Variants in GRIK2 observed in about 807,000 individuals in gnomAD.
GRIK2 encodes glutamate ionotropic receptor kainate type subunit 2.
In GRIK2, 32 loss-of-function variants were observed where a neutral mutation model predicts 100.3. The observed-to-expected ratio is 0.32, with a 90% confidence interval of 0.24 to 0.43. The LOEUF is 0.43. Ranked by LOEUF, GRIK2 falls within the 20% of genes least tolerant of loss-of-function variation. GRIK2 has a pLI of 1.00. For synonymous variants in GRIK2, 417 were observed against 389.4 expected (o/e 1.07, Z -0.83); for missense variants, 843 against 1,114.9 (o/e 0.76, Z 3.47).
chr6:101,740,715 G>A (rs1775969469), intron 7 of GRIK2, among the ~76,000 whole-genome samples: 1 of 152,178 alleles, frequency 6.6e-6, no homozygotes, highest in East Asian at 1.9e-4. Context: ...CTTCTTGTGA[G>A]GACCTCTGGA....
intron 2 of GRIK2, among the ~76,000 whole-genome samples, chr6:101,539,562 G>A (rs1224292489): frequency 1.3e-5 from 2 of 151,654 alleles, no homozygotes; most frequent in African/African-American, 4.8e-5. Context: ...TGCCTAGGAG[G>A]GATAGTAGTA....
chr6:101,797,417 C>G (rs1780376831), intron 7 of GRIK2, among the ~76,000 whole-genome samples: 1 of 151,480 alleles, frequency 6.6e-6, no homozygotes, highest in Non-Finnish European at 1.5e-5. Context: ...TCAATTAGTT[C>G]TTCACTTTTC....
At chr6:101,961,134 T>A (rs1390267370) in intron 14 of GRIK2, among the ~76,000 whole-genome samples, 1 of 152,156 alleles carries the variant, frequency 6.6e-6, no homozygotes, top group African/African-American at 2.4e-5. Context: ...CATCACACCC[T>A]TCTTCCAGGG....
At chr6:101,638,423 T>C (rs1436956753) in intron 4 of GRIK2, among the ~76,000 whole-genome samples, 1 of 151,728 alleles carries the variant, frequency 6.6e-6, no homozygotes, top group Admixed American at 6.6e-5. Context: ...AGGGAGTACA[T>C]GGGAAGAAAT....
chr6:101,618,718 T>C (rs574457537), intron 2 of GRIK2, among the ~76,000 whole-genome samples: 6 of 151,820 alleles, frequency 4.0e-5, no homozygotes, highest in East Asian at 3.9e-4. Context: ...TTGTTGGTGA[T>C]AAATCCTTTC....
chr6:101,452,564 T>C (rs1770772487), intron 2 of GRIK2, among the ~76,000 whole-genome samples: 1 of 151,798 alleles, frequency 6.6e-6, no homozygotes, highest in Non-Finnish European at 1.5e-5. Context: ...TGCTTGACAC[T>C]ATGACATTTT....
chr6:101,884,235 G>A (rs764663304), intron 11 of GRIK2, among the ~76,000 whole-genome samples: 11 of 152,068 alleles, frequency 7.2e-5, no homozygotes, highest in Non-Finnish European at 1.6e-4. Context: ...ACTAGCTTAA[G>A]TGTCTTAGTT....
At chr6:101,741,602 T>G (rs1174816473) in intron 7 of GRIK2, among the ~76,000 whole-genome samples, 2 of 152,178 alleles carry the variant, frequency 1.3e-5, no homozygotes, top group African/African-American at 4.8e-5. Context: ...TTTATTGGGC[T>G]TTTTGATGCT....
chr6:101,928,640 CT>C lies in GRIK2; in HGVS notation c.2085+9del. 7.3e-7 allele frequency: 1 copy of C among 1,367,804 alleles called. No individual in the cohort carries two copies. Among genetic ancestry groups the C allele is most frequent in the Non-Finnish European group, 1.0e-6 (1 of 956,486 alleles). The allele number at this position is 1,367,804 out of a possible 1,614,324, so 84.7% of individuals were successfully genotyped here. A position where few individuals can be genotyped will look rare whatever the true frequency, so the allele number is the denominator to read the frequency against. On this transcript the variant is annotated intron_variant, in intron 14 of 16. Transcript: ENST00000369134. ...ACCATGACTTTTTTCAAGGTAAGTT[CT>C]GCTGGTTACCTAAAATTTACAAATT...
At chr6:101,425,125 T>C (rs996631612) in intron 2 of GRIK2, among the ~76,000 whole-genome samples, 1 of 152,196 alleles carries the variant, frequency 6.6e-6, no homozygotes, top group African/African-American at 2.4e-5. Flanking sequence ...GCAGTAAACA[T>C]ACATGTGCAT....
intron 2 of GRIK2, among the ~76,000 whole-genome samples, chr6:101,618,785 T>C (rs922168035): frequency 6.6e-6 from 1 of 151,540 alleles, no homozygotes; most frequent in African/African-American, 2.4e-5. Flanking sequence ...CATTTGTATC[T>C]CTTCTCTATA....
intron 2 of GRIK2, among the ~76,000 whole-genome samples, chr6:101,420,397 T>C: frequency 6.6e-6 from 1 of 152,204 alleles, no homozygotes; most frequent in East Asian, 1.9e-4. Context: ...ACATATGAGG[T>C]TGAACCATAT....
intron 2 of GRIK2, among the ~76,000 whole-genome samples, chr6:101,595,427 T>C (rs1778871256): frequency 6.6e-6 from 1 of 151,696 alleles, no homozygotes; most frequent in Non-Finnish European, 1.5e-5. Flanking sequence ...AATACATCTT[T>C]ATTTATAAAA....
At chr6:101,833,254 C>G (rs1007264541) in intron 10 of GRIK2, among the ~76,000 whole-genome samples, 3 of 151,970 alleles carry the variant, frequency 2.0e-5, no homozygotes, top group Admixed American at 6.6e-5. Flanking sequence ...TGTTTTGAGA[C>G]GGAGTCTTGC....
Position 101,794,329 on chromosome 6 carries a change from G to A in GRIK2, c.952-5319G>A, listed in dbSNP as rs887679090. On this transcript the variant is annotated intron_variant, in intron 7 of 16. Transcript: ENST00000369134. ...CTCACGCTGGGAGCTGTAGACCGGA[G>A]CTGTTCCTATTCGGTCATCTTGGCT... Among the ~76,000 whole-genome samples, 6 of 152,076 alleles carry A rather than the reference G, an allele frequency of 3.9e-5. No individual in the cohort carries two copies. In the East Asian group the frequency reaches 1.2e-3, roughly 30 times the overall value.
intron 4 of GRIK2, among the ~76,000 whole-genome samples, chr6:101,651,702 A>G (rs1243772226): frequency 6.6e-6 from 1 of 152,164 alleles, no homozygotes; most frequent in Non-Finnish European, 1.5e-5. Context: ...TGGAGTTGCC[A>G]TCAGCTGACT....
chr6:101,859,393 G>A lies in GRIK2; in HGVS notation c.1424G>A (p.Gly475Asp), dbSNP rs1216246355. ...CTCAGAGAGTTATCTACAATCCTTG[G>A]CTTTACATATGAAATTAGACTTGTG... ...DLLRELSTIL[G>D]FTYEIRLVED... The change falls in exon 11 of 17, where the codon GGC becomes GAC. Residue 475 changes from glycine (G) to aspartate (D), a missense_variant. Transcript: ENST00000369134. 1 of 1,603,138 alleles carries A rather than the reference G, an allele frequency of 6.2e-7. No homozygotes were observed. Among genetic ancestry groups the A allele is most frequent in the Non-Finnish European group, 8.5e-7 (1 of 1,170,172 alleles).
chr6:101,394,031 G>A (rs1000293962), intron 1 of GRIK2, among the ~76,000 whole-genome samples, 194 bp downstream of exon 1: 1 of 152,216 alleles, frequency 6.6e-6, no homozygotes, highest in Non-Finnish European at 1.5e-5. Context: ...TCTTTGTCGG[G>A]CTTATCTCAG....
chr6:101,828,390 A>C (rs1381453865), intron 10 of GRIK2, among the ~76,000 whole-genome samples: 2 of 151,954 alleles, frequency 1.3e-5, no homozygotes. Context: ...AGAACAAACT[A>C]AATCCAGAGC....
Sources: gnomAD v4.1 joint callset for allele counts (sites outside exome capture counted in the v4.1 genomes callset) on GRCh38, gnomAD v4.1.1 for gene constraint, MANE v1.5 for transcripts, NCBI Gene and HGNC (gene_info 2026-07-23, HGNC 2026-07-21) for gene names.